Variants in FUT9 observed in about 807,000 individuals in gnomAD.
FUT9 encodes the protein fucosyltransferase 9, also known as 4-galactosyl-N-acetylglucosaminide 3-alpha-L-fucosyltransferase 9.
FUT9 carries 15 observed loss-of-function variants against 29.7 expected under a neutral mutation model. The observed-to-expected ratio is 0.51, with a 90% confidence interval of 0.34 to 0.78. The LOEUF is 0.78. FUT9 is among the 30% of genes least tolerant of loss of function. The pLI is 0.01. For synonymous variants in FUT9, 169 were observed against 153.7 expected, an observed-to-expected ratio of 1.10 and a Z score of -0.74; for missense variants, 319 against 425.4, an observed-to-expected ratio of 0.75 and a Z score of 2.20.
intron 2 of FUT9, among the ~76,000 whole-genome samples, chr6:96,131,036 G>A (rs909888122): frequency 2.0e-5 from 3 of 152,112 alleles, no homozygotes; most frequent in African/African-American, 7.2e-5. Context: ...AATGACACAA[G>A]ATGGTGTGTA....
chr6:96,061,900 C>T lies in FUT9; in HGVS notation c.-98+45688C>T, dbSNP rs150428097. ...GAGGAGGCTTAAGAGAAAAACTGAA[C>T]CAATGCCACTACTGACTTACAGAAA... On this transcript the variant is annotated intron_variant, in intron 1 of 2. Transcript: ENST00000302103. Among the ~76,000 whole-genome samples, 180 of 152,276 alleles carry T rather than the reference C, an allele frequency of 1.2e-3. 1 individual carries two copies. Among genetic ancestry groups the T allele is most frequent in the African/African-American group, 4.1e-3 (170 of 41,570 alleles).
chr6:96,215,220 C>T lies in FUT9; in HGVS notation c.*10985C>T, dbSNP rs531047371. 1.1e-4 allele frequency: 18 copies of T among 167,096 alleles called. No homozygotes were observed. The highest frequency in any genetic ancestry group is 3.4e-3 in the Middle Eastern group (1 of 296). The allele number at this position is 167,096 out of a possible 1,614,324, so 10.4% of individuals were successfully genotyped here. A position where few individuals can be genotyped will look rare whatever the true frequency, so the allele number is the denominator to read the frequency against. ...TGTATATTCAGCTATTTGGAGAACT[C>T]GTGTTTTCCACAAATTAAACTGGAG... On this transcript the variant is annotated 3_prime_UTR_variant, in exon 3 of 3. Transcript: ENST00000302103.
Position 96,207,501 on chromosome 6 carries a change from A to T in FUT9, c.*3266A>T, listed in dbSNP as rs988691840. On this transcript the variant is annotated 3_prime_UTR_variant, in exon 3 of 3. Transcript: ENST00000302103. ...TTCGTTCTGGTTTAAATATTTTAGGAGTTGAGTTCAGCAGAAGGAAATGGG... is the reference window on the plus strand; with the variant it reads ...TTCGTTCTGGTTTAAATATTTTAGGTGTTGAGTTCAGCAGAAGGAAATGGG... The T allele has an allele frequency of 6.0e-6, 1 of 167,012 alleles. No homozygotes were observed. The highest frequency in any genetic ancestry group is 2.4e-5 in the African/African-American group (1 of 41,438). 10.3% of individuals were successfully genotyped at this position (167,012 alleles called of 1,614,324 possible).
At chr6:96,033,961 GA>G (rs899398419) in intron 1 of FUT9, among the ~76,000 whole-genome samples, 35 of 150,486 alleles carry the variant, frequency 2.3e-4, no homozygotes, top group African/African-American at 6.3e-4. Context: ...CCTAAATTAA[GA>G]AAAAAACCCT....
At chr6:96,201,726 T>C (rs886237850) in intron 2 of FUT9, among the ~76,000 whole-genome samples, 1 of 151,934 alleles carries the variant, frequency 6.6e-6, no homozygotes, top group Non-Finnish European at 1.5e-5. Flanking sequence ...TAGACATATT[T>C]GATATGTATC....
chr6:96,061,371 C>A (rs1158361623), intron 1 of FUT9, among the ~76,000 whole-genome samples: 1 of 148,702 alleles, frequency 6.7e-6, no homozygotes, highest in East Asian at 2.0e-4. Context: ...TCTTAGAAGT[C>A]ATTAAGTCTT....
chr6:96,214,732 T>C lies in FUT9; in HGVS notation c.*10497T>C, dbSNP rs1025225379. 6.0e-6 allele frequency: 1 copy of C among 166,986 alleles called. No homozygotes were observed. The highest frequency in any genetic ancestry group is 1.5e-5 in the Non-Finnish European group (1 of 68,064). The allele number at this position is 166,986 out of a possible 1,614,324, so 10.3% of individuals were successfully genotyped here. A position where few individuals can be genotyped will look rare whatever the true frequency, so the allele number is the denominator to read the frequency against. The stretch of plus-strand genomic sequence containing the variant: ...TATATTAAGGCTGGAACGTAGCTCT[T>C]AGTGACTTAAAACATGACAGTAAGC... On this transcript the variant is annotated 3_prime_UTR_variant, in exon 3 of 3. Transcript: ENST00000302103.
At chr6:96,056,933 C>G (rs1378850795) in intron 1 of FUT9, among the ~76,000 whole-genome samples, 1 of 152,008 alleles carries the variant, frequency 6.6e-6, no homozygotes, top group African/African-American at 2.4e-5. Flanking sequence ...CTGCAAGTAC[C>G]CACACAACAA....
intron 2 of FUT9, among the ~76,000 whole-genome samples, chr6:96,175,370 T>G (rs1773185097): frequency 6.6e-6 from 1 of 152,178 alleles, no homozygotes; most frequent in African/African-American, 2.4e-5. Flanking sequence ...ATTCCATCTT[T>G]TATCTCAACA....
intron 2 of FUT9, among the ~76,000 whole-genome samples, chr6:96,183,047 A>C (rs1773338662): frequency 6.6e-6 from 1 of 152,008 alleles, no homozygotes. Flanking sequence ...TTATTTTCAC[A>C]ATATTGATTC....
rs141616964 is a variant in FUT9, at chr6:96,034,411, G to A, written c.-98+18199G>A. Among the ~76,000 whole-genome samples, 549 of 150,632 alleles carry A rather than the reference G, an allele frequency of 3.6e-3. 5 individuals are homozygous for A. Among genetic ancestry groups the A allele is most frequent in the African/African-American group, 0.013 (528 of 41,164 alleles). On this transcript the variant is annotated intron_variant, in intron 1 of 2. Coordinates refer to ENST00000302103, the MANE Select transcript of FUT9 (RefSeq NM_006581.4). ...ATAACCAATATGAAATCAAACTGGC[G>A]GAGAAAAAAAAAGCAGAAAAAATAA...
intron 2 of FUT9, among the ~76,000 whole-genome samples, chr6:96,202,305 T>G (rs1582307367): frequency 6.6e-6 from 1 of 152,104 alleles, no homozygotes; most frequent in Non-Finnish European, 1.5e-5. Flanking sequence ...ATAGCCCTTT[T>G]TTGAGAATTT....
intron 1 of FUT9, among the ~76,000 whole-genome samples, chr6:96,037,714 A>G (rs923928065): frequency 6.6e-6 from 1 of 152,116 alleles, no homozygotes; most frequent in Admixed American, 6.6e-5. Context: ...AAAGAAAAAA[A>G]GACCCTTTTT....
Position 96,183,428 on chromosome 6 carries a change from C to T in FUT9, c.-8-19720C>T, listed in dbSNP as rs144991241. Among the ~76,000 whole-genome samples the T allele has an allele frequency of 4.0e-4, 61 of 151,962 alleles. 1 individual carries two copies. The highest frequency in any genetic ancestry group is 1.4e-3 in the African/African-American group (57 of 41,492). On this transcript the variant is annotated intron_variant, in intron 2 of 2. Coordinates refer to ENST00000302103, the MANE Select transcript of FUT9 (RefSeq NM_006581.4). ...TGGACTTCCTCTTTATCTATTTGGACGCCCTTTATTTCTTTCTCCTGTCTG... is the reference window on the plus strand; with the variant it reads ...TGGACTTCCTCTTTATCTATTTGGATGCCCTTTATTTCTTTCTCCTGTCTG...
intron 1 of FUT9, among the ~76,000 whole-genome samples, chr6:96,112,037 A>G (rs1771818663): frequency 6.6e-6 from 1 of 152,166 alleles, no homozygotes; most frequent in South Asian, 2.1e-4. Context: ...ATTTTTTCTA[A>G]TTGGGACTTC....
At chr6:96,062,773 A>C (rs572667894) in intron 1 of FUT9, among the ~76,000 whole-genome samples, 1 of 152,320 alleles carries the variant, frequency 6.6e-6, no homozygotes, top group African/African-American at 2.4e-5. Context: ...TAAGAGGAAA[A>C]TAAACTGTTT....
chr6:96,107,818 A>T (rs1771720745), intron 1 of FUT9, among the ~76,000 whole-genome samples: 1 of 152,166 alleles, frequency 6.6e-6, no homozygotes, highest in African/African-American at 2.4e-5. Context: ...ACTCACGAGG[A>T]TCTACATCCT....
intron 2 of FUT9, among the ~76,000 whole-genome samples, chr6:96,129,092 C>T (rs1309202447): frequency 2.5e-5 from 3 of 121,590 alleles, no homozygotes; most frequent in Non-Finnish European, 3.7e-5. Context: ...CCTGTCTCTA[C>T]TAAAAATACA....
chr6:96,110,815 C>CTATTTTTTATTTAATTATTTATTTATT (rs11283884), intron 1 of FUT9, among the ~76,000 whole-genome samples: 289 of 145,152 alleles, frequency 2.0e-3, no homozygotes, highest in African/African-American at 6.9e-3. Context: ...ACAAATGTGC[C>CTATTTTTTATTTAATTATTTATTTATT]TATTTATTTA....
Sources: allele counts gnomAD v4.1 joint callset (sites outside exome capture counted in the v4.1 genomes callset), GRCh38; gene constraint gnomAD v4.1.1; transcripts MANE v1.5; gene names NCBI Gene and HGNC (gene_info 2026-07-23, HGNC 2026-07-21).